TUSC3: variants seen among roughly 807,000 people sequenced by gnomAD.
TUSC3 encodes dolichyl-diphosphooligosaccharide--protein glycosyltransferase subunit TUSC3.
TUSC3 carries 45 observed loss-of-function variants against 44.8 expected under a neutral mutation model. The ratio of observed to expected loss-of-function variants is 1.00; its 90% CI spans 0.79 to 1.29. The LOEUF is 1.29. TUSC3 is among the 50% of genes most tolerant of loss of function. TUSC3 has a pLI of 0.00. For missense variants in TUSC3, 519 were observed against 437.9 expected (o/e 1.19, Z -1.65); for synonymous variants, 212 against 152.9 (o/e 1.39, Z -2.85).
chr8:15,601,341 A>C (rs1048239215), intron 1 of TUSC3, among the ~76,000 whole-genome samples: 1 of 151,706 alleles, frequency 6.6e-6, no homozygotes, highest in African/African-American at 2.4e-5. Context: ...ATGCACCTGT[A>C]GTAGAAATGG....
At chr8:15,597,244 G>C (rs1456170652) in intron 1 of TUSC3, among the ~76,000 whole-genome samples, 2 of 152,082 alleles carry the variant, frequency 1.3e-5, no homozygotes, top group Non-Finnish European at 2.9e-5. Context: ...GTCCAACTCA[G>C]GATCTGTCTA....
At chr8:15,616,809 G>A (rs1304300945) in intron 1 of TUSC3, among the ~76,000 whole-genome samples, 2 of 152,082 alleles carry the variant, frequency 1.3e-5, no homozygotes, top group East Asian at 1.9e-4. Context: ...GTGCCGCTGC[G>A]TTCCCCTCAT....
intron 1 of TUSC3, among the ~76,000 whole-genome samples, chr8:15,420,024 T>G (rs1799718420): frequency 6.6e-6 from 1 of 152,206 alleles, no homozygotes; most frequent in African/African-American, 2.4e-5. Context: ...TCCCATTATA[T>G]GTATCTGTGG....
chr8:15,618,141 G>A (rs561152299), intron 1 of TUSC3, among the ~76,000 whole-genome samples: 16 of 152,250 alleles, frequency 1.1e-4, no homozygotes, highest in Admixed American at 9.2e-4. Context: ...GGTTGCTCTG[G>A]GTGAATAAGT....
intron 3 of TUSC3, 128 bp from the exon 4 acceptor site, chr8:15,659,379 C>T (rs867078092): frequency 1.7e-6 from 2 of 1,160,596 alleles, no homozygotes; most frequent in East Asian, 2.6e-5. Flanking sequence ...CAGAAATTTA[C>T]CTCTGGAAAA....
intron 6 of TUSC3, among the ~76,000 whole-genome samples, chr8:15,705,391 A>T (rs187343562): frequency 6.6e-6 from 1 of 152,112 alleles, no homozygotes; most frequent in East Asian, 1.9e-4. Flanking sequence ...ATTTTTATGA[A>T]ACCATTTGTA....
rs924085235 is a variant in TUSC3 at position 15,546,027 on chromosome 8, T to C, written c.138+5459T>C. On this transcript the variant is annotated intron_variant, in intron 1 of 10. Coordinates refer to ENST00000503731, the MANE Select transcript of TUSC3 (RefSeq NM_006765.4). ...GATAGAAAATTTACTTTTGGTTAAGTGTAGGAATAATGTGTTCCCCAGCTG... is the reference window on the plus strand; with the variant it reads ...GATAGAAAATTTACTTTTGGTTAAGCGTAGGAATAATGTGTTCCCCAGCTG... Among the ~76,000 whole-genome samples, 4 of 151,964 alleles carry C rather than the reference T, an allele frequency of 2.6e-5. 1 individual carries two copies. Among genetic ancestry groups the C allele is most frequent in the Admixed American group, 6.6e-5 (1 of 15,234 alleles).
At chr8:15,565,410 C>T (rs1201782539) in intron 1 of TUSC3, among the ~76,000 whole-genome samples, 1 of 152,106 alleles carries the variant, frequency 6.6e-6, no homozygotes, top group Non-Finnish European at 1.5e-5. Flanking sequence ...AACAATTAAC[C>T]TGTTTCTTGG....
intron 8 of TUSC3, among the ~76,000 whole-genome samples, chr8:15,748,113 A>C (rs1811500809): frequency 6.6e-6 from 1 of 152,092 alleles, no homozygotes; most frequent in Non-Finnish European, 1.5e-5. Context: ...CAGAAGACTT[A>C]GATCAGTCAA....
chr8:15,645,681 T>C (rs1285242350), intron 2 of TUSC3, among the ~76,000 whole-genome samples: 3 of 152,140 alleles, frequency 2.0e-5, no homozygotes, highest in African/African-American at 4.8e-5. Flanking sequence ...ACATTTGTTA[T>C]GAAATTGTCA....
At chr8:15,707,698 T>C (rs1809675089) in intron 6 of TUSC3, among the ~76,000 whole-genome samples, 1 of 151,984 alleles carries the variant, frequency 6.6e-6, no homozygotes, top group African/African-American at 2.4e-5. Context: ...CTCAGATGTT[T>C]ACATTGAAGT....
chr8:15,465,786 A>G lies in TUSC3; in HGVS notation n.92-17600A>G, dbSNP rs116214867. 9.7e-3 allele frequency among the ~76,000 whole-genome samples: 1,471 copies of G among 152,214 alleles called. 24 individuals carry two copies. The highest frequency in any genetic ancestry group is 0.034 in the African/African-American group (1,392 of 41,548). On this transcript the variant is annotated intron_variant and non_coding_transcript_variant, in intron 1 of 5. Transcript: ENST00000503191. ...AGTTACTTCTCTGCAGTGCAACCCT[A>G]TCTTTTTCTCTTAAATGACTTAGTT...
At chr8:15,511,538 C>T (rs1244804490) in intron 2 of TUSC3, among the ~76,000 whole-genome samples, 1 of 152,038 alleles carries the variant, frequency 6.6e-6, no homozygotes, top group Non-Finnish European at 1.5e-5. Flanking sequence ...ATTATAATAG[C>T]ACCAAAAATA....
intron 6 of TUSC3, among the ~76,000 whole-genome samples, chr8:15,679,005 G>A (rs1054437066): frequency 4.6e-5 from 7 of 152,202 alleles, no homozygotes; most frequent in East Asian, 3.9e-4. Flanking sequence ...TTAATTCACC[G>A]TGGATGAGCA....
chr8:15,657,366 T>A (rs1361951905), intron 3 of TUSC3, among the ~76,000 whole-genome samples: 1 of 152,252 alleles, frequency 6.6e-6, no homozygotes, highest in African/African-American at 2.4e-5. Flanking sequence ...AGATATCTCT[T>A]CTGCCAGATA....
chr8:15,743,597 G>A lies in TUSC3; in HGVS notation c.922G>A (p.Val308Ile). Residue 308 changes from valine (V) to isoleucine (I), a missense_variant, in exon 8 of 11, where the codon GTT becomes ATT. By Grantham distance (29) the Val-to-Ile change is conservative. Transcript: ENST00000503731. The stretch of plus-strand genomic sequence containing the variant: ...TGAAGCAGCAACTTCGAAAGGCGAT[G>A]TTGGAAAAAGACGGAGTAAGTCTCT... Reference protein sequence around the residue: ...LNEAATSKGDVGKRRIICLVG... With the variant: ...LNEAATSKGDIGKRRIICLVG... The A allele has an allele frequency of 1.2e-6, 2 of 1,613,904 alleles. No homozygotes were observed. Among genetic ancestry groups the A allele is most frequent in the Non-Finnish European group, 1.7e-6 (2 of 1,179,848 alleles).
At chr8:15,602,614 G>A (rs975312986) in intron 1 of TUSC3, among the ~76,000 whole-genome samples, 8 of 150,894 alleles carry the variant, frequency 5.3e-5, no homozygotes, top group African/African-American at 1.9e-4. Context: ...CTTGTTGAAT[G>A]GAGTTGTAAT....
chr8:15,599,532 A>G (rs1243733597), intron 1 of TUSC3, among the ~76,000 whole-genome samples: 2 of 151,540 alleles, frequency 1.3e-5, no homozygotes, highest in Non-Finnish European at 3.0e-5. Context: ...GTTTTCTTTT[A>G]TGCTCTCTTA....
At chr8:15,433,852 TG>T (rs1585786936) in intron 1 of TUSC3, among the ~76,000 whole-genome samples, 1 of 152,182 alleles carries the variant, frequency 6.6e-6, no homozygotes, top group South Asian at 2.1e-4. Flanking sequence ...TTTTTCCAGT[TG>T]GGGGTCATTA....
Sources: allele counts gnomAD v4.1 joint callset (sites outside exome capture counted in the v4.1 genomes callset), GRCh38; gene constraint gnomAD v4.1.1; transcripts MANE v1.5; gene names NCBI Gene and HGNC (gene_info 2026-07-23, HGNC 2026-07-21).